The following FBXL7 variants were observed in gnomAD, a reference collection of about 807,000 sequenced individuals.
FBXL7 encodes F-box and leucine rich repeat protein 7.
In FBXL7, 12 loss-of-function variants were observed where a neutral mutation model predicts 38.3. The observed-to-expected ratio is 0.31, with a 90% CI of 0.20 to 0.51. The LOEUF (loss-of-function observed/expected upper bound fraction) is 0.51, where lower values mean the gene tolerates loss of function less well. FBXL7 is among the 20% of genes least tolerant of loss of function. The pLI, the probability that FBXL7 is intolerant of heterozygous loss-of-function variation, is 0.98. For missense variants in FBXL7, 567 were observed against 676.4 expected (o/e 0.84, Z 1.79); for synonymous variants, 297 against 300.9 (o/e 0.99, Z 0.13).
At chr5:15,829,478 AAAAC>A (rs1738397418) in intron 2 of FBXL7, among the ~76,000 whole-genome samples, 1 of 23,130 alleles carries the variant, frequency 4.3e-5, no homozygotes, top group Non-Finnish European at 8.1e-5. Context: ...TGAAATTATA[AAAAC>A]AAACAAAGCA....
chr5:15,706,526 G>C (rs1052171318), intron 2 of FBXL7, among the ~76,000 whole-genome samples: 1 of 152,188 alleles, frequency 6.6e-6, no homozygotes, highest in Admixed American at 6.5e-5. Context: ...ATAGAGGGGA[G>C]ATGGGATACA....
intron 2 of FBXL7, among the ~76,000 whole-genome samples, chr5:15,862,420 A>G (rs1203310936): frequency 6.6e-6 from 1 of 152,214 alleles, no homozygotes; most frequent in Non-Finnish European, 1.5e-5. Flanking sequence ...GTCCTTATCA[A>G]CAGCATAAAA....
At chr5:15,761,571 C>T (rs756968138) in intron 2 of FBXL7, among the ~76,000 whole-genome samples, 19 of 152,172 alleles carry the variant, frequency 1.2e-4, no homozygotes, top group Non-Finnish European at 2.5e-4. Flanking sequence ...GAAACAGGGT[C>T]TCACTCCGGT....
At chr5:15,699,308 G>A (rs372239443) in intron 2 of FBXL7, among the ~76,000 whole-genome samples, 2 of 152,144 alleles carry the variant, frequency 1.3e-5, no homozygotes, top group East Asian at 3.9e-4. Context: ...TGAGCACAGG[G>A]CCAAGGTCCC....
At chr5:15,773,899 A>T (rs1736793940) in intron 2 of FBXL7, among the ~76,000 whole-genome samples, 1 of 152,166 alleles carries the variant, frequency 6.6e-6, no homozygotes, top group Non-Finnish European at 1.5e-5. Context: ...GAAAGGAAAG[A>T]TCTGGAGAGC....
intron 2 of FBXL7, among the ~76,000 whole-genome samples, chr5:15,855,640 T>C (rs918367832): frequency 2.0e-5 from 3 of 152,214 alleles, no homozygotes; most frequent in African/African-American, 7.2e-5. Flanking sequence ...TAGAGAAATA[T>C]ATTTCTATTT....
chr5:15,572,665 G>C (rs923193890), intron 1 of FBXL7, among the ~76,000 whole-genome samples: 1 of 152,096 alleles, frequency 6.6e-6, no homozygotes, highest in African/African-American at 2.4e-5. Context: ...GCTTTGATGG[G>C]GTGGAGATGG....
At chr5:15,570,654 C>T (rs1305847887) in intron 1 of FBXL7, among the ~76,000 whole-genome samples, 2 of 152,152 alleles carry the variant, frequency 1.3e-5, no homozygotes, top group South Asian at 2.1e-4. Flanking sequence ...TGTAGCAGCC[C>T]GTGTGTGTGC....
At chr5:15,563,049 C>T (rs1242543535) in intron 1 of FBXL7, among the ~76,000 whole-genome samples, 1 of 152,076 alleles carries the variant, frequency 6.6e-6, no homozygotes, top group African/African-American at 2.4e-5. Context: ...TGCTGATAGA[C>T]ACTTAGTTGT....
chr5:15,680,269 G>A (rs191524721), intron 2 of FBXL7, among the ~76,000 whole-genome samples: 365 of 152,070 alleles, frequency 2.4e-3, no homozygotes, highest in Non-Finnish European at 4.1e-3. Context: ...AACCTCACTG[G>A]GAATTTTTGG....
At chr5:15,528,210 C>A (rs1039395808) in intron 1 of FBXL7, among the ~76,000 whole-genome samples, 3 of 152,172 alleles carry the variant, frequency 2.0e-5, no homozygotes, top group African/African-American at 7.2e-5. Context: ...CTAAGATTAT[C>A]TACAGGGAAA....
At chr5:15,912,773 C>T (rs866071966) in intron 2 of FBXL7, among the ~76,000 whole-genome samples, 14 of 152,176 alleles carry the variant, frequency 9.2e-5, no homozygotes, top group South Asian at 2.1e-4. Context: ...CCCACCGAAA[C>T]GCCAGTCTTT....
chr5:15,906,804 A>C (rs1741380905), intron 2 of FBXL7, among the ~76,000 whole-genome samples: 1 of 38,802 alleles, frequency 2.6e-5, no homozygotes, highest in African/African-American at 1.1e-4. Context: ...ACTGAGAATG[A>C]TGGTTTCCAA....
At chr5:15,514,298 G>A (rs990745453) in intron 1 of FBXL7, among the ~76,000 whole-genome samples, 1 of 152,208 alleles carries the variant, frequency 6.6e-6, no homozygotes, top group African/African-American at 2.4e-5. Context: ...TCACTGTAGT[G>A]TGTAGATTTA....
chr5:15,865,209 G>C (rs186788857), intron 2 of FBXL7, among the ~76,000 whole-genome samples: 1 of 152,158 alleles, frequency 6.6e-6, no homozygotes, highest in East Asian at 1.9e-4. Context: ...TCCAGCTTCT[G>C]TGGGAGAGGA....
At chr5:15,881,066 G>A (rs916959126) in intron 2 of FBXL7, among the ~76,000 whole-genome samples, 2 of 151,202 alleles carry the variant, frequency 1.3e-5, no homozygotes, top group African/African-American at 4.9e-5. Flanking sequence ...TTGTTTTTTG[G>A]GAACAGGTGG....
intron 2 of FBXL7, among the ~76,000 whole-genome samples, chr5:15,674,733 A>C (rs1316215089): frequency 6.6e-6 from 1 of 152,228 alleles, no homozygotes; most frequent in Non-Finnish European, 1.5e-5. Flanking sequence ...TCTCCTAATC[A>C]CAAAAACGCA....
intron 3 of FBXL7, among the ~76,000 whole-genome samples, chr5:15,935,023 A>G (rs913232668): frequency 2.6e-5 from 4 of 152,226 alleles, no homozygotes; most frequent in Non-Finnish European, 5.9e-5. Flanking sequence ...AAATTTTTCT[A>G]TAAACAGATT....
At chr5:15,711,380 G>A (rs1743865037) in intron 2 of FBXL7, among the ~76,000 whole-genome samples, 3 of 152,198 alleles carry the variant, frequency 2.0e-5, no homozygotes, top group Non-Finnish European at 4.4e-5. Context: ...ATACCTCCAT[G>A]TGTCCATGTC....
Sources: allele counts gnomAD v4.1 joint callset (sites outside exome capture counted in the v4.1 genomes callset), GRCh38; gene constraint gnomAD v4.1.1; transcripts MANE v1.5; gene names NCBI Gene and HGNC (gene_info 2026-07-23, HGNC 2026-07-21).